TPM4: variants seen among roughly 807,000 people sequenced by gnomAD.
The protein encoded by TPM4 is tropomyosin alpha-4 chain.
Under a neutral mutation model 35.8 loss-of-function variants are expected in TPM4, and 17 were observed. The observed-to-expected ratio is 0.47, with a 90% CI of 0.32 to 0.71. TPM4 has a LOEUF of 0.71. Among genes scored for constraint, TPM4 ranks in the 30% least tolerant of loss-of-function variants. The pLI, the probability that TPM4 is intolerant of heterozygous loss-of-function variation, is 0.03. For missense variants in TPM4, 240 were observed against 320.9 expected (o/e 0.75, Z 1.93); for synonymous variants, 120 against 122.9 (o/e 0.98, Z 0.15).
chr19:16,078,397 C>T (rs1443565498), intron 1 of TPM4, among the ~76,000 whole-genome samples: 1 of 152,118 alleles, frequency 6.6e-6, no homozygotes, highest in Non-Finnish European at 1.5e-5. Context: ...GCAAAAGATG[C>T]CCAGCCAGAT....
intron 1 of TPM4, among the ~76,000 whole-genome samples, chr19:16,077,686 G>C (rs900195815): frequency 3.8e-5 from 5 of 132,924 alleles, no homozygotes; most frequent in Non-Finnish European, 6.5e-5. Context: ...CGACCCCCCA[G>C]AGTAGCAGGG....
intron 2 of TPM4, among the ~76,000 whole-genome samples, chr19:16,082,378 G>A (rs148277170): frequency 9.7e-4 from 147 of 152,324 alleles, no homozygotes; most frequent in African/African-American, 3.3e-3. Flanking sequence ...TGCCATGGTG[G>A]CGGGCACCTG....
intron 3 of TPM4, among the ~76,000 whole-genome samples, chr19:16,087,146 G>A (rs1016977540): frequency 6.6e-6 from 1 of 152,084 alleles, no homozygotes; most frequent in African/African-American, 2.4e-5. Flanking sequence ...GCTGGGTGTG[G>A]TGGCATGCAC....
intron 2 of TPM4, among the ~76,000 whole-genome samples, chr19:16,084,594 C>T (rs1452637430): frequency 5.9e-5 from 9 of 152,324 alleles, no homozygotes; most frequent in Non-Finnish European, 8.8e-5. Context: ...CCTTTGGTGA[C>T]ACCCCTGTTA....
At chr19:16,080,662 A>T (rs998536463) in intron 1 of TPM4, among the ~76,000 whole-genome samples, 15 of 152,120 alleles carry the variant, frequency 9.9e-5, no homozygotes, top group Non-Finnish European at 2.1e-4. Flanking sequence ...AATACAAAAA[A>T]ATAGCAAGGC....
At chr19:16,086,685 AC>A in intron 3 of TPM4, 145 bp downstream of exon 3, 1 of 653,888 alleles carries the variant, frequency 1.5e-6, no homozygotes, top group Non-Finnish European at 2.7e-6. Flanking sequence ...TCCAGAGACA[AC>A]CACTTGGCTA....
chr19:16,102,799 T>C lies in TPM4; in HGVS notation c.*1453T>C. The C allele has an allele frequency of 4.3e-6, 1 of 230,844 alleles. No individual in the cohort carries two copies. The highest frequency in any genetic ancestry group is 2.2e-5 in the African/African-American group (1 of 45,278). 14.3% of individuals were successfully genotyped at this position (230,844 alleles called of 1,614,324 possible). A position where few individuals can be genotyped will look rare whatever the true frequency, so the allele number is the denominator to read the frequency against. ...TAAAGTTTACAATTCCAACTAAAAATCACCCTGCTTCTGGCTTATCTGAAT... is the reference window on the plus strand; with the variant it reads ...TAAAGTTTACAATTCCAACTAAAAACCACCCTGCTTCTGGCTTATCTGAAT... On this transcript the variant is annotated 3_prime_UTR_variant, in exon 8 of 8. Transcript: ENST00000643579.
At chr19:16,080,144 C>G (rs909960943) in intron 1 of TPM4, 1 of 196,866 alleles carries the variant, frequency 5.1e-6, no homozygotes, top group Non-Finnish European at 1.1e-5. Flanking sequence ...GCAGGCATCG[C>G]TGGAAAACTC....
At chr19:16,076,992 A>G in intron 1 of TPM4, 1 of 402,560 alleles carries the variant, frequency 2.5e-6, no homozygotes, top group South Asian at 1.0e-4. Context: ...CTCCGGGTGG[A>G]GAAGTGGAGC....
At chr19:16,097,150 C>T (rs1436040597) in intron 7 of TPM4, among the ~76,000 whole-genome samples, 1 of 151,646 alleles carries the variant, frequency 6.6e-6, no homozygotes, top group African/African-American at 2.4e-5. Context: ...GATGGGGTTT[C>T]ACCATGTTAG....
At chr19:16,093,452 C>T (rs1382085615) in intron 5 of TPM4, 84 bp from the exon 6 acceptor site, 12 of 1,522,570 alleles carry the variant, frequency 7.9e-6, no homozygotes, top group African/African-American at 1.4e-5. Context: ...CCTCAGGCTC[C>T]CAAAGTGCCA....
intron 7 of TPM4, among the ~76,000 whole-genome samples, chr19:16,098,451 AAAAAG>A (rs975134027): frequency 8.8e-4 from 134 of 152,274 alleles, no homozygotes; most frequent in African/African-American, 2.7e-3. Flanking sequence ...CGCCTCAAAA[AAAAAG>A]AAAAGAAAAG....
At chr19:16,077,008 G>T (rs975379420) in intron 1 of TPM4, 1 of 330,682 alleles carries the variant, frequency 3.0e-6, no homozygotes, top group African/African-American at 2.2e-5. Context: ...GGAGCGGCGG[G>T]AGGGGGCGTA....
At position 16,086,539 on chromosome 19, in the gene TPM4, A is replaced by T; in HGVS notation, c.383A>T (p.Glu128Val). The change falls in exon 3 of 8, where the codon GAG becomes GTG. Residue 128 changes from glutamate to valine, a missense_variant and splice_region_variant. Coordinates refer to ENST00000643579, the MANE Select transcript of TPM4 (RefSeq NM_003290.3). ...GAAGAGGCTGACCGCAAATACGAGGAGGTGAGTGGGGCTGGCAGATGGCGC... is the reference window on the plus strand; with the variant it reads ...GAAGAGGCTGACCGCAAATACGAGGTGGTGAGTGGGGCTGGCAGATGGCGC... ...IAEEADRKYE[E>V]VARKLVILEG... The T allele has an allele frequency of 6.2e-7, 1 of 1,611,802 alleles. No homozygotes were observed. Among genetic ancestry groups the T allele is most frequent in the Non-Finnish European group, 8.5e-7 (1 of 1,178,502 alleles).
chr19:16,079,071 C>T (rs1032371961), intron 1 of TPM4, among the ~76,000 whole-genome samples: 1 of 152,102 alleles, frequency 6.6e-6, no homozygotes, highest in Non-Finnish European at 1.5e-5. Context: ...ATGACTCGGC[C>T]GTGACTAGCA....
chr19:16,076,011 C>G (rs762470562), upstream of TPM4: 1 of 1,590,962 alleles, frequency 6.3e-7, no homozygotes, highest in Non-Finnish European at 8.5e-7. Flanking sequence ...TGACCCCCCC[C>G]CCAGGCTGAC....
Position 16,101,249 on chromosome 19 carries a change from C to G in TPM4, c.665-15C>G, listed in dbSNP as rs367634086. 6 of 1,583,338 alleles carry G rather than the reference C, an allele frequency of 3.8e-6. No homozygotes were observed. The African/African-American group carries it at 4.1e-5, about 11-fold the overall frequency. The stretch of plus-strand genomic sequence containing the variant: ...TTATTAATTTATCTTTCCCCATACT[C>G]TTAATCCTCACCAGAGAAACTTGCC... On this transcript the variant is annotated splice_polypyrimidine_tract_variant and intron_variant, in intron 7 of 7. Coordinates refer to ENST00000643579, the MANE Select transcript of TPM4 (RefSeq NM_003290.3).
intron 1 of TPM4, 86 bp downstream of exon 1, chr19:16,076,783 C>T: frequency 7.8e-7 from 1 of 1,280,910 alleles, no homozygotes; most frequent in Non-Finnish European, 9.9e-7. Context: ...GCTGCCCGCC[C>T]GCGCGCAGTC....
At chr19:16,071,222 G>C (rs966163864) in intron 2 of TPM4, among the ~76,000 whole-genome samples, 1 of 152,238 alleles carries the variant, frequency 6.6e-6, no homozygotes, top group South Asian at 2.1e-4. Context: ...AGAGATGGGG[G>C]TCTCACTCTG....
Sources: allele counts gnomAD v4.1 joint callset (sites outside exome capture counted in the v4.1 genomes callset), GRCh38; gene constraint gnomAD v4.1.1; transcripts MANE v1.5; gene names NCBI Gene and HGNC (gene_info 2026-07-23, HGNC 2026-07-21).